Variants in LMX1B observed in about 807,000 individuals in gnomAD.
LMX1B encodes LIM homeobox transcription factor 1 beta, also known as LIM homeobox transcription factor 1-beta.
In LMX1B, 12 loss-of-function variants were observed where a neutral mutation model predicts 51.4. The observed-to-expected ratio is 0.23, with a 90% CI of 0.15 to 0.38. The LOEUF is 0.38. Ranked by LOEUF, LMX1B falls within the 10% of genes least tolerant of loss-of-function variation. LMX1B has a pLI of 1.00. For synonymous variants in LMX1B, 237 were observed against 235.4 expected (o/e 1.01, Z -0.06); for missense variants, 445 against 571.1 (o/e 0.78, Z 2.25).
chr9:126,693,072 C>G (rs936909496), intron 3 of LMX1B, 70 bp from the exon 4 acceptor site: 1 of 1,488,264 alleles, frequency 6.7e-7, no homozygotes, highest in African/African-American at 1.4e-5. Flanking sequence ...AGCAGGTTGC[C>G]GAAGGGGACA....
chr9:126,664,523 G>A (rs1212070760), intron 2 of LMX1B, among the ~76,000 whole-genome samples: 1 of 152,230 alleles, frequency 6.6e-6, no homozygotes, highest in East Asian at 1.9e-4. Flanking sequence ...CACTTCCCTT[G>A]TCTGTAGAAT....
intron 2 of LMX1B, among the ~76,000 whole-genome samples, chr9:126,616,054 C>CT (rs1300266042): frequency 5.3e-5 from 8 of 152,214 alleles, no homozygotes; most frequent in Non-Finnish European, 1.2e-4. Context: ...GGGAGGCCCC[C>CT]TTTCTGCCAG....
intron 2 of LMX1B, among the ~76,000 whole-genome samples, chr9:126,632,016 G>A (rs1316510067): frequency 6.6e-6 from 1 of 152,164 alleles, no homozygotes; most frequent in Non-Finnish European, 1.5e-5. Flanking sequence ...CTGAAAGAAA[G>A]TATAAGGGTC....
intron 2 of LMX1B, among the ~76,000 whole-genome samples, chr9:126,636,910 T>C (rs1299474434): frequency 6.6e-6 from 1 of 152,196 alleles, no homozygotes; most frequent in Non-Finnish European, 1.5e-5. Context: ...GAGATGTATG[T>C]GCACATGACA....
At chr9:126,663,403 G>A (rs1187692496) in intron 2 of LMX1B, among the ~76,000 whole-genome samples, 1 of 143,434 alleles carries the variant, frequency 7.0e-6, no homozygotes, top group African/African-American at 2.6e-5. Context: ...CAACCTAGGC[G>A]ACAAGGCAAG....
At chr9:126,693,863 C>A in intron 6 of LMX1B, 51 bp downstream of exon 6, 1 of 896,118 alleles carries the variant, frequency 1.1e-6, no homozygotes, top group Non-Finnish European at 1.8e-6. Context: ...GGGGCCGGGG[C>A]CAGGGGTGGG....
At position 126,626,609 on chromosome 9, in the gene LMX1B, G is replaced by C. The variant is rs575362997; in HGVS notation, c.326+11040G>C. Among the ~76,000 whole-genome samples, 1 of 152,162 alleles carries C rather than the reference G, an allele frequency of 6.6e-6. No individual in the cohort carries two copies. The highest frequency in any genetic ancestry group is 1.5e-5 in the Non-Finnish European group (1 of 68,032). The stretch of plus-strand genomic sequence containing the variant: ...CGGCCCTTCCTTCCAGGTCAGGGGT[G>C]GGGGAGAGACTTTCTCCCTCGAAAC... On this transcript the variant is annotated intron_variant, in intron 2 of 7. Transcript: ENST00000373474. This position sits in a 1 kb window ranked among gnomAD's most constrained non-coding sequence, Gnocchi z 4.3.
intron 2 of LMX1B, among the ~76,000 whole-genome samples, chr9:126,660,488 C>T (rs1261657769): frequency 6.6e-6 from 1 of 152,152 alleles, no homozygotes; most frequent in African/African-American, 2.4e-5. Flanking sequence ...TGGGGTCAAA[C>T]CCCAGCTCGA....
intron 2 of LMX1B, among the ~76,000 whole-genome samples, chr9:126,620,645 G>A (rs1469336410): frequency 1.3e-5 from 2 of 151,454 alleles, no homozygotes; most frequent in Non-Finnish European, 2.9e-5. Flanking sequence ...GGGGGCAGAC[G>A]GAGGGTGGCC....
intron 2 of LMX1B, among the ~76,000 whole-genome samples, chr9:126,652,932 A>G (rs771471860): frequency 3.9e-5 from 6 of 152,128 alleles, no homozygotes; most frequent in Non-Finnish European, 8.8e-5. Flanking sequence ...AGGCCAAGGC[A>G]CGGGCCAGAT....
chr9:126,651,524 C>CCTT (rs1836007586), intron 2 of LMX1B, among the ~76,000 whole-genome samples: 1 of 152,050 alleles, frequency 6.6e-6, no homozygotes, highest in Non-Finnish European at 1.5e-5. Flanking sequence ...TTGGAGCCCA[C>CCTT]CTTCTTCTCC....
chr9:126,650,495 G>T (rs1835980046), intron 2 of LMX1B, among the ~76,000 whole-genome samples: 1 of 152,232 alleles, frequency 6.6e-6, no homozygotes, highest in Non-Finnish European at 1.5e-5. Context: ...CCCATGGGCG[G>T]TGGAGGCGCT....
chr9:126,637,872 C>A (rs999038243), intron 2 of LMX1B, among the ~76,000 whole-genome samples: 13 of 149,690 alleles, frequency 8.7e-5, no homozygotes, highest in African/African-American at 3.2e-4. Context: ...ACAGTACCCT[C>A]CCCTCCTCTC....
chr9:126,619,208 A>C (rs1351068482), intron 2 of LMX1B, among the ~76,000 whole-genome samples: 2 of 152,180 alleles, frequency 1.3e-5, no homozygotes, highest in Non-Finnish European at 2.9e-5. Flanking sequence ...CAGTGGCCCA[A>C]CCGCTCTGCC....
At position 126,696,600 on chromosome 9, in the gene LMX1B, G is replaced by A; in HGVS notation, c.*149G>A. ...CCTCGGCCAGCTGGGCCTGACCACT[G>A]TGCCCGTTGGGTACAGCCAGACCGG... On this transcript the variant is annotated 3_prime_UTR_variant, in exon 8 of 8. Coordinates refer to ENST00000373474, the MANE Select transcript of LMX1B (RefSeq NM_001174147.2). The A allele has an allele frequency of 4.7e-6, 4 of 856,536 alleles. No individual in the cohort carries two copies. The highest frequency in any genetic ancestry group is 2.6e-5 in the East Asian group (1 of 38,430). The allele number at this position is 856,536 out of a possible 1,614,324, so 53.1% of individuals were successfully genotyped here. A position where few individuals can be genotyped will look rare whatever the true frequency, so the allele number is the denominator to read the frequency against.
intron 2 of LMX1B, among the ~76,000 whole-genome samples, chr9:126,687,217 C>CT (rs60473276): frequency 0.45 from 67,033 of 148,278 alleles, 15,166 homozygotes; most frequent in East Asian, 0.53. Flanking sequence ...TGATCATTCC[C>CT]TTTTTTTTTT....
At chr9:126,682,900 A>C in intron 2 of LMX1B, among the ~76,000 whole-genome samples, 1 of 145,266 alleles carries the variant, frequency 6.9e-6, no homozygotes, top group Admixed American at 6.7e-5. Context: ...GTCTGAAAAA[A>C]AAAAAAAAAA....
At chr9:126,630,407 C>A (rs1489636856) in intron 2 of LMX1B, among the ~76,000 whole-genome samples, 2 of 152,160 alleles carry the variant, frequency 1.3e-5, no homozygotes, top group African/African-American at 4.8e-5. Flanking sequence ...AACAACTCTC[C>A]TGGCAGTAGG....
chr9:126,616,928 G>C (rs570444146), intron 2 of LMX1B, among the ~76,000 whole-genome samples: 2 of 152,196 alleles, frequency 1.3e-5, no homozygotes, highest in African/African-American at 2.4e-5. Context: ...AGGGATCTTT[G>C]GGTAGGGATT....
Sources: gnomAD v4.1 joint callset for allele counts (sites outside exome capture counted in the v4.1 genomes callset) on GRCh38, gnomAD v4.1.1 for gene constraint, Gnocchi (gnomAD v3.1) non-coding constraint, MANE v1.5 for transcripts, NCBI Gene and HGNC (gene_info 2026-07-23, HGNC 2026-07-21) for gene names.